Variants in ZNF385D observed in about 807,000 individuals in gnomAD.
ZNF385D encodes the protein zinc finger protein 385D.
ZNF385D carries 15 observed loss-of-function variants against 35.8 expected under a neutral mutation model. The observed-to-expected ratio is 0.42, with a 90% CI of 0.28 to 0.64. ZNF385D has a LOEUF of 0.64. Ranked by LOEUF, ZNF385D falls within the 30% of genes least tolerant of loss-of-function variation. The pLI is 0.23. For synonymous variants in ZNF385D, 212 were observed against 186.8 expected, an observed-to-expected ratio of 1.13 and a Z score of -1.10; for missense variants, 474 against 494.6, an observed-to-expected ratio of 0.96 and a Z score of 0.39.
chr3:22,045,725 T>A (rs1698959399), intron 3 of ZNF385D, among the ~76,000 whole-genome samples: 1 of 143,012 alleles, frequency 7.0e-6, no homozygotes, highest in Non-Finnish European at 1.5e-5. Context: ...ATCTCACTTC[T>A]ATTTTTTTTT....
At chr3:22,339,935 C>G (rs1268644927) in intron 2 of ZNF385D, among the ~76,000 whole-genome samples, 2 of 152,136 alleles carry the variant, frequency 1.3e-5, no homozygotes, top group Non-Finnish European at 2.9e-5. Flanking sequence ...TTCTCTGTAC[C>G]ATTTGTTGTT....
intron 3 of ZNF385D, among the ~76,000 whole-genome samples, chr3:22,049,283 C>T (rs956266727): frequency 1.8e-4 from 15 of 84,948 alleles, no homozygotes; most frequent in East Asian, 1.2e-3. Flanking sequence ...GAAACAAGAG[C>T]GAAACTCAAT....
intron 3 of ZNF385D, among the ~76,000 whole-genome samples, chr3:21,860,231 T>C (rs1221499638): frequency 1.3e-5 from 2 of 152,082 alleles, no homozygotes; most frequent in Non-Finnish European, 2.9e-5. Flanking sequence ...ATGTTTTCAG[T>C]TTTGTGCTGA....
At chr3:21,432,790 TA>T (rs5847095) in intron 5 of ZNF385D, among the ~76,000 whole-genome samples, 144,760 of 148,734 alleles carry the variant, frequency 0.97, 70,447 homozygotes, top group East Asian at 1. Context: ...CTTTCCAAAT[TA>T]AAAAAAAAAA....
intron 2 of ZNF385D, among the ~76,000 whole-genome samples, chr3:22,297,532 G>A (rs537085573): frequency 2.2e-4 from 34 of 152,160 alleles, no homozygotes; most frequent in Non-Finnish European, 4.1e-4. Context: ...AAGTGGGGCC[G>A]GAGGAGGACT....
At position 21,976,556 on chromosome 3, in the gene ZNF385D, C is replaced by T. The variant is rs562975435; in HGVS notation, c.325+192261G>A. ...GAAATACACAGAAGAGTACAGGAGA[C>T]ATATGTAACAGATAATCACCAAAAA... On this transcript the variant is annotated intron_variant, in intron 3 of 5. Transcript: ENST00000494108. 7.8e-4 allele frequency among the ~76,000 whole-genome samples: 119 copies of T among 152,244 alleles called. 1 individual carries two copies. The highest frequency in any genetic ancestry group is 1.3e-3 in the Non-Finnish European group (89 of 68,010).
chr3:21,510,934 A>T lies in ZNF385D; in HGVS notation c.366T>A (p.Thr122=). 6.2e-7 allele frequency: 1 copy of T among 1,614,172 alleles called. No individual in the cohort carries two copies. The highest frequency in any genetic ancestry group is 1.6e-4 in the Middle Eastern group (1 of 6,062). The change falls in exon 4 of 8, where the codon ACT becomes ACA. Residue 122 remains threonine (T), a synonymous_variant. Coordinates refer to ENST00000281523, the MANE Select transcript of ZNF385D (RefSeq NM_024697.3). ...AGGTAGTCTTTGCGCTGTCCTTGGC[A>T]GTTACAGATTTCTGCTTATTTTTCA... ...EAMKNKQKSV[T]AKDSAKTTFT... is the part of the protein sequence containing the mutation.
At chr3:21,650,333 AT>A (rs1355674050) in intron 2 of ZNF385D, among the ~76,000 whole-genome samples, 1 of 152,048 alleles carries the variant, frequency 6.6e-6, no homozygotes, top group Middle Eastern at 3.4e-3. Context: ...TGTAGTGAGT[AT>A]TTTTTTCTTC....
At chr3:21,694,115 C>T (rs1336460969) in intron 1 of ZNF385D, among the ~76,000 whole-genome samples, 1 of 143,406 alleles carries the variant, frequency 7.0e-6, no homozygotes, top group Non-Finnish European at 1.5e-5. Flanking sequence ...GCGATCTCGG[C>T]TCACTGCAAG....
chr3:22,302,765 T>A lies in ZNF385D; in HGVS notation c.106+69685A>T, dbSNP rs754835300. ...CATTTTCTAATATTGTTCCAATTAGTTTTAATGTTACTTTGAAAGGCCTCA... is the reference window on the plus strand; with the variant it reads ...CATTTTCTAATATTGTTCCAATTAGATTTAATGTTACTTTGAAAGGCCTCA... On this transcript the variant is annotated intron_variant, in intron 2 of 5. Coordinates refer to the ZNF385D transcript ENST00000494108. Among the ~76,000 whole-genome samples the A allele has an allele frequency of 4.5e-4, 68 of 152,246 alleles. No individual in the cohort carries two copies. The South Asian group carries it at 4.8e-3, about 11-fold the overall frequency.
At chr3:21,785,371 A>AT (rs1223922736) in intron 3 of ZNF385D, among the ~76,000 whole-genome samples, 6 of 152,188 alleles carry the variant, frequency 3.9e-5, no homozygotes, top group African/African-American at 1.2e-4. Flanking sequence ...AGTTACCATC[A>AT]TTTTTTTTGT....
At chr3:21,904,924 T>C (rs1382967756) in intron 3 of ZNF385D, among the ~76,000 whole-genome samples, 1 of 152,092 alleles carries the variant, frequency 6.6e-6, no homozygotes, top group African/African-American at 2.4e-5. Flanking sequence ...GATGGAATAT[T>C]CTAGAATATG....
At chr3:21,583,789 ATTATG>A (rs1220417690) in intron 2 of ZNF385D, among the ~76,000 whole-genome samples, 5 of 150,810 alleles carry the variant, frequency 3.3e-5, no homozygotes, top group African/African-American at 1.2e-4. Flanking sequence ...TAAATATTCT[ATTATG>A]TTATAACTAT....
intron 3 of ZNF385D, among the ~76,000 whole-genome samples, chr3:22,008,546 C>T (rs532374123): frequency 1.3e-5 from 2 of 152,034 alleles, no homozygotes; most frequent in South Asian, 2.1e-4. Context: ...TTAGTAGAGA[C>T]GGGGTTTCAC....
intron 2 of ZNF385D, among the ~76,000 whole-genome samples, chr3:22,269,512 T>C (rs1701066227): frequency 6.6e-6 from 1 of 151,930 alleles, no homozygotes; most frequent in Non-Finnish European, 1.5e-5. Flanking sequence ...CTGATGACTT[T>C]GGCATGACTT....
chr3:22,162,895 G>C (rs1706059197), intron 3 of ZNF385D, among the ~76,000 whole-genome samples: 1 of 152,192 alleles, frequency 6.6e-6, no homozygotes, highest in East Asian at 1.9e-4. Flanking sequence ...GGATTCCCAA[G>C]AAGCAGAGTC....
intron 3 of ZNF385D, among the ~76,000 whole-genome samples, chr3:21,812,393 G>A (rs769301366): frequency 8.5e-5 from 13 of 152,236 alleles, no homozygotes; most frequent in African/African-American, 9.6e-5. Flanking sequence ...GAAGCAGGGC[G>A]GGGCACCGCC....
chr3:21,760,788 A>G (rs1172753273), intron 3 of ZNF385D, among the ~76,000 whole-genome samples: 3 of 152,214 alleles, frequency 2.0e-5, no homozygotes, highest in Non-Finnish European at 4.4e-5. Flanking sequence ...AACTGAGAGA[A>G]CAAAGCAAAT....
intron 2 of ZNF385D, among the ~76,000 whole-genome samples, chr3:22,307,776 G>C (rs969146773): frequency 2.0e-5 from 3 of 151,532 alleles, no homozygotes; most frequent in South Asian, 2.1e-4. Context: ...TCTTTCTTAG[G>C]GTAATCTTAA....
Sources: gnomAD v4.1 joint callset for allele counts (sites outside exome capture counted in the v4.1 genomes callset) on GRCh38, gnomAD v4.1.1 for gene constraint, MANE v1.5 for transcripts, NCBI Gene and HGNC (gene_info 2026-07-23, HGNC 2026-07-21) for gene names.